The following CTU2 variants were observed in gnomAD, a reference collection of about 807,000 sequenced individuals.
The protein encoded by CTU2 is cytoplasmic tRNA 2-thiolation protein 2.
A neutral mutation model predicts 64.1 loss-of-function variants in CTU2; 80 were observed. The observed-to-expected ratio is 1.25, with a 90% CI of 1.04 to 1.50. The LOEUF is 1.50. CTU2 is among the 40% of genes most tolerant of loss of function. The probability of loss-of-function intolerance (pLI) is 0.00; values close to 1 mark genes in which losing one functional copy is unlikely to be tolerated. For missense variants in CTU2, 1,110 were observed against 690.2 expected, an observed-to-expected ratio of 1.61 and a Z score of -6.81; for synonymous variants, 482 against 285.3, an observed-to-expected ratio of 1.69 and a Z score of -6.95.
chr16:88,714,468 C>G lies in CTU2; in HGVS notation c.1183C>G (p.Leu395Val), dbSNP rs770038426. Residue 395 changes from leucine (L) to valine (V), a missense_variant, in exon 11 of 15, where the codon CTG becomes GTG. Transcript: ENST00000453996. ...GPRCLLCMCA[L>V]DVDAADSATA... Reference sequence around the variant, plus strand: ...CCGCTGCCTCCTCTGCATGTGTGCCCTGGACGTCGACGCCGCTGGTCTGTG... The same window carrying G: ...CCGCTGCCTCCTCTGCATGTGTGCCGTGGACGTCGACGCCGCTGGTCTGTG... The G allele has an allele frequency of 6.2e-7, 1 of 1,612,632 alleles. No homozygotes were observed. The highest frequency in any genetic ancestry group is 1.7e-5 in the Admixed American group (1 of 60,024).
At chr16:88,712,529 A>ACTGC in intron 6 of CTU2, 93 bp from the exon 7 acceptor site, 2 of 1,522,824 alleles carry the variant, frequency 1.3e-6, no homozygotes, top group Non-Finnish European at 1.8e-6. Context: ...CCCCAGCCTC[A>ACTGC]CTGCCGTCTC....
intron 1 of CTU2, 108 bp downstream of exon 1, chr16:88,706,706 G>A (rs1910869202): frequency 3.8e-6 from 3 of 799,106 alleles, no homozygotes; most frequent in Non-Finnish European, 5.4e-6. Context: ...CGTGGAGAGC[G>A]GGACCTCGCT....
At chr16:88,713,598 A>G in intron 8 of CTU2, 49 bp from the exon 9 acceptor site, 2 of 1,590,936 alleles carry the variant, frequency 1.3e-6, no homozygotes, top group Non-Finnish European at 1.7e-6. Context: ...GAGGAGGGGC[A>G]AGCACATTCG....
rs1911579608 is a variant in CTU2, at chr16:88,713,712, G to A, written c.939G>A (p.Lys313=). 2 of 1,612,694 alleles carry A rather than the reference G, an allele frequency of 1.2e-6. No individual in the cohort carries two copies. The highest frequency in any genetic ancestry group is 1.7e-4 in the Middle Eastern group (1 of 6,060). ...VVRPMRDHTL[K]EVAFYNRLFS... is the part of the protein sequence containing the mutation. ...GGCCCATGCGGGACCACACCCTGAA[G>A]GAGGTCGCTTTCTACAACCGCCTGT... Residue 313 remains lysine, a synonymous_variant, in exon 9 of 15, where the codon AAG becomes AAA. Coordinates refer to ENST00000453996, the MANE Select transcript of CTU2 (RefSeq NM_001012759.3).
At chr16:88,711,767 G>A (rs1397793743) in intron 5 of CTU2, 72 bp downstream of exon 5, 1 of 1,420,848 alleles carries the variant, frequency 7.0e-7, no homozygotes. Context: ...CCTCTGGTGT[G>A]GACCCTCCCT....
Position 88,714,867 on chromosome 16 carries a change from C to T in CTU2, c.1360C>T (p.Pro454Ser), listed in dbSNP as rs776861417. Residue 454 changes from proline to serine, a missense_variant, in exon 13 of 15, where the codon CCC becomes TCC. Physicochemically the swap from Pro to Ser is moderately conservative, Grantham distance 74 (BLOSUM62 -1). Coordinates refer to ENST00000453996, the MANE Select transcript of CTU2 (RefSeq NM_001012759.3). ...CCAGCTCTGCTCCCGCAGGGAGGAC[C>T]CCCAAGCCTGCATTGAGGAGCAGCT... ...CGQGACRREDPQACIEEQLCY... is the reference protein window; with the variant it reads ...CGQGACRREDSQACIEEQLCY... 6.2e-7 allele frequency: 1 copy of T among 1,612,654 alleles called. No individual in the cohort carries two copies. Among genetic ancestry groups the T allele is most frequent in the South Asian group, 1.1e-5 (1 of 91,086 alleles).
rs375329250 is a variant in CTU2, at chr16:88,710,036, G to C, written c.222+20G>C. On this transcript the variant is annotated intron_variant, in intron 3 of 14. Transcript: ENST00000453996. ...GAGAAGGTAGCGTCTGGGTCCTGGG[G>C]GTCTGACTGAGCAGCCTGGCCCCTC... 1.2e-6 allele frequency: 2 copies of C among 1,613,048 alleles called. No homozygotes were observed. The highest frequency in any genetic ancestry group is 1.7e-6 in the Non-Finnish European group (2 of 1,179,398).
chr16:88,712,711 C>G lies in CTU2; in HGVS notation c.543C>G (p.Phe181Leu). The change falls in exon 7 of 15, where the codon TTC (phenylalanine) becomes TTG (leucine). Residue 181 changes from phenylalanine to leucine, a missense_variant. Transcript: ENST00000453996. The stretch of plus-strand genomic sequence containing the variant: ...CCTACAAGGCGGCCGTGGACAGCTT[C>G]CTCCAGCAGCAGCATGTGCTGGGGG... ...EGAYKAAVDS[F>L]LQQQHVLGAG... 7 of 1,610,122 alleles carry G rather than the reference C, an allele frequency of 4.3e-6. No individual in the cohort carries two copies. Among genetic ancestry groups the G allele is most frequent in the Non-Finnish European group, 5.9e-6 (7 of 1,179,240 alleles).
rs372733301 is a variant in CTU2, at chr16:88,714,174, C to G, written c.1044C>G (p.Ala348=). ...EKASIHRLME[A]FILRLQTQFP... is the part of the protein sequence containing the mutation. Reference sequence around the variant, plus strand: ...CCAGCATCCACCGGCTGATGGAGGCCTTCATCCTCAGGCTGCAGACCCAGT... The same window carrying G: ...CCAGCATCCACCGGCTGATGGAGGCGTTCATCCTCAGGCTGCAGACCCAGT... Residue 348 remains alanine (A), a synonymous_variant, in exon 10 of 15, where the codon GCC becomes GCG. Coordinates refer to ENST00000453996, the MANE Select transcript of CTU2 (RefSeq NM_001012759.3). The G allele has an allele frequency of 3.7e-6, 6 of 1,612,718 alleles. No homozygotes were observed. Among genetic ancestry groups the G allele is most frequent in the Non-Finnish European group, 5.1e-6 (6 of 1,179,906 alleles).
chr16:88,710,092 C>G, intron 3 of CTU2, 76 bp downstream of exon 3: 1 of 1,570,404 alleles, frequency 6.4e-7, no homozygotes, highest in Non-Finnish European at 8.8e-7. Context: ...CCACAGGCAG[C>G]CTGGCCTGCT....
At position 88,714,934 on chromosome 16, in the gene CTU2, C is replaced by A. The variant is rs370392517; in HGVS notation, c.1419+8C>A. ...GTGAACATGAAGGACTTGGTGAGTA[C>A]GTGCCCACCTGTCCTGGGCCGGGCT... On this transcript the variant is annotated splice_region_variant and intron_variant, in intron 13 of 14. Coordinates refer to ENST00000453996, the MANE Select transcript of CTU2 (RefSeq NM_001012759.3). The A allele has an allele frequency of 2.7e-5, 43 of 1,612,334 alleles. No individual in the cohort carries two copies. Among genetic ancestry groups the A allele is most frequent in the Non-Finnish European group, 3.4e-5 (40 of 1,179,760 alleles).
At position 88,714,371 on chromosome 16, in the gene CTU2, A is replaced by T; in HGVS notation, c.1098-12A>T. On this transcript the variant is annotated splice_polypyrimidine_tract_variant and intron_variant, in intron 10 of 14. Transcript: ENST00000453996. Reference sequence around the variant, plus strand: ...GTGTGATTCACCTGCTCCTCCCACAATCCGGCCACAGGACAAGTGAGAAGC... The same window carrying T: ...GTGTGATTCACCTGCTCCTCCCACATTCCGGCCACAGGACAAGTGAGAAGC... 6.2e-7 allele frequency: 1 copy of T among 1,612,020 alleles called. No individual in the cohort carries two copies. Among genetic ancestry groups the T allele is most frequent in the Non-Finnish European group, 8.5e-7 (1 of 1,179,646 alleles).
Position 88,712,679 on chromosome 16 carries a change from G to C in CTU2, c.511G>C (p.Glu171Gln), listed in dbSNP as rs748111545. 4 of 1,610,596 alleles carry C rather than the reference G, an allele frequency of 2.5e-6. No homozygotes were observed. Among genetic ancestry groups the C allele is most frequent in the Admixed American group, 1.7e-5 (1 of 59,968 alleles). ...WCSAQELVGS[E>Q]GAYKAAVDSF... is the part of the protein sequence containing the mutation. ...CTCTGCCCAGGAGCTGGTGGGATCC[G>C]AGGGGGCCTACAAGGCGGCCGTGGA... Residue 171 changes from glutamate to glutamine, a missense_variant, in exon 7 of 15, where the codon GAG (glutamate) becomes CAG (glutamine). By Grantham distance (29) the Glu-to-Gln change is conservative (BLOSUM62 2). Coordinates refer to ENST00000453996, the MANE Select transcript of CTU2 (RefSeq NM_001012759.3).
chr16:88,713,716 G>A lies in CTU2; in HGVS notation c.943G>A (p.Val315Ile), dbSNP rs1329343556. ...RPMRDHTLKEVAFYNRLFSVP... is the reference protein window; with the variant it reads ...RPMRDHTLKEIAFYNRLFSVP... ...CATGCGGGACCACACCCTGAAGGAGGTCGCTTTCTACAACCGCCTGTTCTC... is the reference window on the plus strand; with the variant it reads ...CATGCGGGACCACACCCTGAAGGAGATCGCTTTCTACAACCGCCTGTTCTC... Residue 315 changes from valine to isoleucine, a missense_variant, in exon 9 of 15, where the codon GTC becomes ATC. By Grantham distance (29) the Val-to-Ile change is conservative. Transcript: ENST00000453996. 8.1e-6 allele frequency: 13 copies of A among 1,612,564 alleles called. No individual in the cohort carries two copies. The highest frequency in any genetic ancestry group is 1.7e-5 in the Admixed American group (1 of 59,994).
chr16:88,708,419 C>G (rs189815273), intron 2 of CTU2, among the ~76,000 whole-genome samples: 1 of 152,128 alleles, frequency 6.6e-6, no homozygotes, highest in African/African-American at 2.4e-5. Flanking sequence ...AGCATGTACA[C>G]GTGGACCCAC....
rs1464587346 is a variant in CTU2, at chr16:88,707,175, C to G, written c.108C>G (p.Pro36=). The stretch of plus-strand genomic sequence containing the variant: ...GTGTGAAGTGCAAGGAAGCGCAGCC[C>G]GTTGTGGTGATACGAGCCGGAGATG... ...QKCVKCKEAQ[P]VVVIRAGDAF... is the part of the protein sequence containing the mutation. The change falls in exon 2 of 15, where the codon CCC becomes CCG. Residue 36 remains proline, a synonymous_variant. Transcript: ENST00000453996. 5 of 1,613,930 alleles carry G rather than the reference C, an allele frequency of 3.1e-6. No homozygotes were observed. The highest frequency in any genetic ancestry group is 1.1e-5 in the South Asian group (1 of 91,086).
intron 6 of CTU2, 44 bp downstream of exon 6, chr16:88,712,427 G>A (rs564928790): frequency 9.4e-6 from 14 of 1,486,420 alleles, no homozygotes; most frequent in Middle Eastern, 1.9e-4. Flanking sequence ...GGTGACCCCT[G>A]GGGGGCACCT....
intron 2 of CTU2, chr16:88,709,615 C>T (rs778647529): frequency 1.4e-4 from 52 of 375,890 alleles, no homozygotes; most frequent in Middle Eastern, 1.5e-3. Flanking sequence ...CTAAGTCTGT[C>T]CACTCCACCA....
intron 4 of CTU2, 61 bp from the exon 5 acceptor site, chr16:88,711,574 G>T: frequency 2.0e-6 from 3 of 1,471,870 alleles, no homozygotes; most frequent in Non-Finnish European, 9.3e-7. Flanking sequence ...AATGTTCTGA[G>T]CTGGAAAAGT....
Sources: gnomAD v4.1 joint callset for allele counts (sites outside exome capture counted in the v4.1 genomes callset) on GRCh38, gnomAD v4.1.1 for gene constraint, MANE v1.5 for transcripts, NCBI Gene and HGNC (gene_info 2026-07-23, HGNC 2026-07-21) for gene names.